Variants in PHIP observed in about 807,000 individuals in gnomAD.
The protein encoded by PHIP is PH-interacting protein.
In PHIP, 54 loss-of-function variants were observed where a neutral mutation model predicts 236.8. The observed-to-expected ratio is 0.23, with a 90% CI of 0.18 to 0.29. PHIP has a LOEUF of 0.29. Among genes scored for constraint, PHIP ranks in the 10% least tolerant of loss-of-function variants. PHIP has a pLI of 1.00. For missense variants in PHIP, 1,370 were observed against 2,190.8 expected (o/e 0.63, Z 7.48); for synonymous variants, 756 against 718.9 (o/e 1.05, Z -0.83).
At position 78,936,230 on chromosome 6, in the gene PHIP, T is replaced by C. The variant is rs1773267993; in HGVS notation, c.*4463A>G. The C allele has an allele frequency of 6.6e-6, 1 of 152,114 alleles. No homozygotes were observed. The highest frequency in any genetic ancestry group is 2.4e-5 in the African/African-American group (1 of 41,574). The allele number at this position is 152,114 out of a possible 1,614,324, so 9.4% of individuals were successfully genotyped here. A position where few individuals can be genotyped will look rare whatever the true frequency, so the allele number is the denominator to read the frequency against. The stretch of plus-strand genomic sequence containing the variant: ...CATTGTTTTCTGTACAAAATAAGCA[T>C]AATCTTAATTTGAAAATGTGTCAGT... On this transcript the variant is annotated 3_prime_UTR_variant, in exon 40 of 40. Transcript: ENST00000275034.
At position 78,966,764 on chromosome 6, in the gene PHIP, T is replaced by C. The variant is rs147016967; in HGVS notation, c.3206-708A>G. The stretch of plus-strand genomic sequence containing the variant: ...ATATTCTCATGTTCCTTCTGTGTCA[T>C]AAGAAAACTGTAAGTCACTTACTTC... On this transcript the variant is annotated intron_variant, in intron 27 of 39. Coordinates refer to ENST00000275034, the MANE Select transcript of PHIP (RefSeq NM_017934.7). 3.3e-5 allele frequency among the ~76,000 whole-genome samples: 5 copies of C among 152,340 alleles called. No homozygotes were observed. In the East Asian group the frequency reaches 7.7e-4, roughly 24 times the overall value.
chr6:78,950,371 GTTGGGAATT>G (rs1774074132), intron 35 of PHIP, among the ~76,000 whole-genome samples: 1 of 152,192 alleles, frequency 6.6e-6, no homozygotes, highest in Non-Finnish European at 1.5e-5. Context: ...CATAGAGTGA[GTTGGGAATT>G]TTGAGTTTTT....
chr6:79,011,508 C>G (rs1192829765), intron 15 of PHIP, among the ~76,000 whole-genome samples: 1 of 151,748 alleles, frequency 6.6e-6, no homozygotes, highest in Non-Finnish European at 1.5e-5. Flanking sequence ...AGGGGGAGTA[C>G]AAGCTACATA....
intron 6 of PHIP, among the ~76,000 whole-genome samples, chr6:79,056,969 A>C (rs911853190): frequency 3.9e-5 from 6 of 152,222 alleles, no homozygotes; most frequent in African/African-American, 9.6e-5. Context: ...AATGGAGAAC[A>C]AATTCAAGAA....
chr6:79,040,850 A>G (rs1293415527), intron 7 of PHIP, among the ~76,000 whole-genome samples: 1 of 151,708 alleles, frequency 6.6e-6, no homozygotes, highest in Non-Finnish European at 1.5e-5. Context: ...GACTGAATTT[A>G]GCAAAACAAA....
intron 20 of PHIP, among the ~76,000 whole-genome samples, chr6:78,988,690 G>A (rs1236042257): frequency 6.6e-6 from 1 of 151,710 alleles, no homozygotes; most frequent in African/African-American, 2.4e-5. Flanking sequence ...GCTTATCATG[G>A]TTATGCTGAT....
chr6:79,016,013 C>T (rs764573707), intron 13 of PHIP, among the ~76,000 whole-genome samples: 6 of 151,796 alleles, frequency 4.0e-5, no homozygotes, highest in Non-Finnish European at 8.8e-5. Flanking sequence ...GATGATCTTG[C>T]ATAAATATCA....
rs774302606 is a variant in PHIP at position 78,969,881 on chromosome 6, G to C, written c.3159C>G (p.Val1053=). Residue 1053 remains valine (V), a synonymous_variant, in exon 27 of 40, where the codon GTC becomes GTG. Coordinates refer to ENST00000275034, the MANE Select transcript of PHIP (RefSeq NM_017934.7). ...TTGCATCATCAAATTGTTGTCTCAAGACTAGGAAATCTATAACGTCAGGCA... is the reference window on the plus strand; with the variant it reads ...TTGCATCATCAAATTGTTGTCTCAACACTAGGAAATCTATAACGTCAGGCA... The part of the protein sequence containing the change: ...HDMPDVIDFL[V]LRQQFDDAKY... 4 of 1,600,152 alleles carry C rather than the reference G, an allele frequency of 2.5e-6. No individual in the cohort carries two copies. In the South Asian group the frequency reaches 4.5e-5, roughly 18 times the overall value.
chr6:79,061,941 A>G (rs1280247127), intron 4 of PHIP, among the ~76,000 whole-genome samples: 2 of 152,146 alleles, frequency 1.3e-5, no homozygotes, highest in Non-Finnish European at 2.9e-5. Context: ...AAAGGTAGCT[A>G]ATACCCATCT....
chr6:78,978,548 A>G, intron 24 of PHIP, 44 bp downstream of exon 24: 1 of 1,515,650 alleles, frequency 6.6e-7, no homozygotes, highest in Non-Finnish European at 9.0e-7. Flanking sequence ...AAAATGTTTA[A>G]AACTATGTGA....
At chr6:79,058,296 G>A (rs961828759) in intron 6 of PHIP, among the ~76,000 whole-genome samples, 6 of 152,128 alleles carry the variant, frequency 3.9e-5, no homozygotes, top group Middle Eastern at 6.8e-3. Flanking sequence ...ACCATCTGTT[G>A]TCTCCGACAT....
At chr6:78,978,750 A>G (rs1489775513) in intron 23 of PHIP, 39 bp from the exon 24 acceptor site, 1 of 1,509,364 alleles carries the variant, frequency 6.6e-7, no homozygotes, top group Non-Finnish European at 9.1e-7. Context: ...GTAATAATCA[A>G]AAAAGCATTA....
At chr6:79,067,423 A>T (rs892209750) in intron 4 of PHIP, among the ~76,000 whole-genome samples, 2 of 152,194 alleles carry the variant, frequency 1.3e-5, no homozygotes, top group African/African-American at 4.8e-5. Flanking sequence ...ACTCTTTTTC[A>T]TAGTTAAAAT....
intron 7 of PHIP, among the ~76,000 whole-genome samples, chr6:79,039,464 T>C (rs1364759278): frequency 6.6e-6 from 1 of 152,152 alleles, no homozygotes; most frequent in Non-Finnish European, 1.5e-5. Flanking sequence ...TCTCCTATGG[T>C]ATCTCAGTAC....
rs2127741562 is a variant in PHIP at position 79,016,585 on chromosome 6, C to T, written c.1194G>A (p.Glu398=). 1 of 1,612,030 alleles carries T rather than the reference C, an allele frequency of 6.2e-7. No individual in the cohort carries two copies. The highest frequency in any genetic ancestry group is 8.5e-7 in the Non-Finnish European group (1 of 1,178,480). Residue 398 remains glutamate, a synonymous_variant, in exon 13 of 40, where the codon GAG becomes GAA. Coordinates refer to ENST00000275034, the MANE Select transcript of PHIP (RefSeq NM_017934.7). ...TARIWQFKRR[E]WKSILLDMAT... is the part of the protein sequence containing the mutation. Reference sequence around the variant, plus strand: ...CCATATCCAACAAAATGCTCTTCCACTCTCTTCGTTTAAATTGCCAAATAC... The same window carrying T: ...CCATATCCAACAAAATGCTCTTCCATTCTCTTCGTTTAAATTGCCAAATAC...
chr6:78,944,257 T>A (rs1233198231), intron 39 of PHIP, among the ~76,000 whole-genome samples: 1 of 152,154 alleles, frequency 6.6e-6, no homozygotes, highest in Non-Finnish European at 1.5e-5. Context: ...AAGAGTCTTG[T>A]GTAACAGGCA....
chr6:79,012,154 TTA>T (rs1220316928), intron 15 of PHIP, among the ~76,000 whole-genome samples: 1 of 151,566 alleles, frequency 6.6e-6, no homozygotes, highest in African/African-American at 2.4e-5. Flanking sequence ...AAATACTAAA[TTA>T]TATGTTACAT....
At chr6:79,036,165 C>A (rs1771923095) in intron 7 of PHIP, among the ~76,000 whole-genome samples, 1 of 152,156 alleles carries the variant, frequency 6.6e-6, no homozygotes. Context: ...TCAGTAATTT[C>A]TAGAATCCAT....
rs1214108647 is a variant in PHIP at position 78,936,543 on chromosome 6, T to C, written c.*4150A>G. ...GAACCTATTTTCTTGGCTCCTTGAA[T>C]TGTAGAAACTCAGCCATGCACTAAG... On this transcript the variant is annotated 3_prime_UTR_variant, in exon 40 of 40. Transcript: ENST00000275034. 1 of 151,900 alleles carries C rather than the reference T, an allele frequency of 6.6e-6. No individual in the cohort carries two copies. The highest frequency in any genetic ancestry group is 1.5e-5 in the Non-Finnish European group (1 of 67,792). 9.4% of individuals were successfully genotyped at this position (151,900 alleles called of 1,614,324 possible). A position where few individuals can be genotyped will look rare whatever the true frequency, so the allele number is the denominator to read the frequency against.
Sources: gnomAD v4.1 joint callset for allele counts (sites outside exome capture counted in the v4.1 genomes callset) on GRCh38, gnomAD v4.1.1 for gene constraint, MANE v1.5 for transcripts, NCBI Gene and HGNC (gene_info 2026-07-23, HGNC 2026-07-21) for gene names.